CRY1: variants seen among roughly 807,000 people sequenced by gnomAD.
The protein encoded by CRY1 is cryptochrome-1.
A neutral mutation model predicts 76.0 loss-of-function variants in CRY1; 45 were observed. That is an observed-to-expected ratio of 0.59 (90% CI 0.47 to 0.76). CRY1 has a LOEUF of 0.76. Among genes scored for constraint, CRY1 ranks in the 30% least tolerant of loss-of-function variants. The probability of loss-of-function intolerance (pLI) is 0.00; values close to 1 mark genes in which losing one functional copy is unlikely to be tolerated. For missense variants in CRY1, 587 were observed against 716.4 expected (o/e 0.82, Z 2.06); for synonymous variants, 248 against 244.0 (o/e 1.02, Z -0.15).
At chr12:107,079,333 T>C (rs1953294959) in intron 1 of CRY1, among the ~76,000 whole-genome samples, 1 of 152,128 alleles carries the variant, frequency 6.6e-6, no homozygotes, top group Non-Finnish European at 1.5e-5. Flanking sequence ...CCATTGTTAT[T>C]GCTATATTTT....
intron 2 of CRY1, among the ~76,000 whole-genome samples, chr12:107,016,489 T>C (rs914958506): frequency 3.3e-5 from 5 of 152,322 alleles, no homozygotes; most frequent in African/African-American, 1.2e-4. Flanking sequence ...TTTTTTAAAT[T>C]GACAGTAAAT....
At chr12:107,001,611 T>C (rs948046904) in intron 4 of CRY1, among the ~76,000 whole-genome samples, 153 bp downstream of exon 4, 3 of 152,212 alleles carry the variant, frequency 2.0e-5, no homozygotes, top group Middle Eastern at 3.2e-3. Context: ...AACAAACATA[T>C]CACTTCTTAA....
chr12:107,010,595 T>C (rs1249849115), intron 2 of CRY1, among the ~76,000 whole-genome samples: 1 of 152,156 alleles, frequency 6.6e-6, no homozygotes, highest in Non-Finnish European at 1.5e-5. Flanking sequence ...ATATCTGTTA[T>C]GATGACCTGT....
chr12:106,996,183 T>C (rs1288369848), intron 10 of CRY1, among the ~76,000 whole-genome samples: 1 of 152,210 alleles, frequency 6.6e-6, no homozygotes, highest in Non-Finnish European at 1.5e-5. Context: ...CCATGTGTTC[T>C]CATCATTCTA....
intron 3 of CRY1, 66 bp downstream of exon 3, chr12:107,005,040 A>G: frequency 6.7e-7 from 1 of 1,482,296 alleles, no homozygotes; most frequent in Non-Finnish European, 9.2e-7. Context: ...ATACTTAAAA[A>G]TGGTTAAGAT....
At chr12:107,027,815 G>A (rs1256106660) in intron 1 of CRY1, among the ~76,000 whole-genome samples, 4 of 152,114 alleles carry the variant, frequency 2.6e-5, no homozygotes, top group African/African-American at 9.7e-5. Flanking sequence ...GTCTGTGCTA[G>A]AACAGCTTTA....
chr12:107,048,800 T>C (rs546080572), intron 1 of CRY1, among the ~76,000 whole-genome samples: 3 of 152,356 alleles, frequency 2.0e-5, no homozygotes, highest in South Asian at 4.1e-4. Flanking sequence ...TTCCCTATTG[T>C]ATTCAATTTT....
chr12:107,018,452 T>C (rs938674825), intron 2 of CRY1, among the ~76,000 whole-genome samples: 6 of 152,156 alleles, frequency 3.9e-5, no homozygotes, highest in Non-Finnish European at 7.4e-5. Flanking sequence ...CAAGGTGTGG[T>C]GGTGCATGCC....
intron 2 of CRY1, among the ~76,000 whole-genome samples, chr12:107,017,194 C>T (rs1359855740): frequency 6.6e-6 from 1 of 152,256 alleles, no homozygotes. Flanking sequence ...TCTATAAAGC[C>T]CTATGATCTG....
chr12:106,999,544 C>T lies in CRY1; in HGVS notation c.1137+7G>A. 1 of 1,604,354 alleles carries T rather than the reference C, an allele frequency of 6.2e-7. No homozygotes were observed. The highest frequency in any genetic ancestry group is 8.5e-7 in the Non-Finnish European group (1 of 1,175,592). Reference sequence around the variant, plus strand: ...ATAAGGCATGCTATATCAGTTAGAACACTTACCTTCATTCCTTCTTCCCAA... The same window carrying T: ...ATAAGGCATGCTATATCAGTTAGAATACTTACCTTCATTCCTTCTTCCCAA... On this transcript the variant is annotated splice_region_variant and intron_variant, in intron 7 of 12. Coordinates refer to ENST00000008527, the MANE Select transcript of CRY1 (RefSeq NM_004075.5).
At chr12:107,052,445 A>G (rs1952934439) in intron 1 of CRY1, among the ~76,000 whole-genome samples, 1 of 152,200 alleles carries the variant, frequency 6.6e-6, no homozygotes, top group Admixed American at 6.5e-5. Context: ...TTTAAAGTCA[A>G]ACTTCCTACA....
Position 107,092,997 on chromosome 12 carries a change from CAAGG to C in CRY1, c.-40_-37del. 6.7e-7 allele frequency: 1 copy of C among 1,496,888 alleles called. No individual in the cohort carries two copies. Among genetic ancestry groups the C allele is most frequent in the Non-Finnish European group, 8.9e-7 (1 of 1,128,550 alleles). The allele number at this position is 1,496,888 out of a possible 1,614,324, so 92.7% of individuals were successfully genotyped here. A position where few individuals can be genotyped will look rare whatever the true frequency, so the allele number is the denominator to read the frequency against. On this transcript the variant is annotated 5_prime_UTR_variant, in exon 1 of 13. The change abolishes the stop of an existing upstream ORF in the 5' untranslated region. Coordinates refer to ENST00000008527, the MANE Select transcript of CRY1 (RefSeq NM_004075.5). Reference sequence around the variant, plus strand: ...GCGGCGGGTCCTCCACGGAGAAATTCAAGGAAGGAGGCTCCGGCTCATAGCCGAC... The same window carrying C: ...GCGGCGGGTCCTCCACGGAGAAATTCAAGGAGGCTCCGGCTCATAGCCGAC...
At chr12:107,054,482 AAAAAG>A (rs1952960279) in intron 1 of CRY1, among the ~76,000 whole-genome samples, 1 of 151,790 alleles carries the variant, frequency 6.6e-6, no homozygotes, top group African/African-American at 2.4e-5. Flanking sequence ...CAGGAAGGAC[AAAAAG>A]AAAACACAAA....
chr12:107,071,302 T>C (rs1412939421), intron 1 of CRY1, among the ~76,000 whole-genome samples: 1 of 152,166 alleles, frequency 6.6e-6, no homozygotes, highest in Non-Finnish European at 1.5e-5. Flanking sequence ...TAGGAATAAA[T>C]ATTGAACTTT....
At chr12:107,065,869 C>T (rs193201436) in intron 1 of CRY1, among the ~76,000 whole-genome samples, 83 of 152,262 alleles carry the variant, frequency 5.5e-4, no homozygotes, top group African/African-American at 1.9e-3. Flanking sequence ...TTTATCTCTG[C>T]CTCTGCATTA....
Position 106,997,501 on chromosome 12 carries a change from T to G in CRY1, c.1479A>C (p.Arg493=), listed in dbSNP as rs1331108616. 1 of 1,613,962 alleles carries G rather than the reference T, an allele frequency of 6.2e-7. No individual in the cohort carries two copies. Among genetic ancestry groups the G allele is most frequent in the Non-Finnish European group, 8.5e-7 (1 of 1,179,974 alleles). ...TTCTTAACATACCTAGTCCTCTATA[T>G]CGTGAAAGCTGCTGATAGATCTGTT... ...RMKQIYQQLS[R]YRGLGLLASV... Residue 493 remains arginine (R), a synonymous_variant, in exon 9 of 13, where the codon CGA becomes CGC. Transcript: ENST00000008527.
chr12:107,090,193 G>A (rs773454626), intron 1 of CRY1, among the ~76,000 whole-genome samples: 2 of 151,566 alleles, frequency 1.3e-5, no homozygotes, highest in East Asian at 1.9e-4. Flanking sequence ...GGGTTCAATC[G>A]ATTCTCCTGC....
chr12:107,061,373 A>G (rs1187412578), intron 1 of CRY1, among the ~76,000 whole-genome samples: 1 of 151,190 alleles, frequency 6.6e-6, no homozygotes, highest in East Asian at 1.9e-4. Context: ...TTCCTAATAC[A>G]GTCTTTTTTT....
chr12:107,085,216 G>C (rs1014592619), intron 1 of CRY1, among the ~76,000 whole-genome samples: 1 of 152,218 alleles, frequency 6.6e-6, no homozygotes, highest in African/African-American at 2.4e-5. Context: ...CTGTTGGTGG[G>C]AGTGTAAATT....
Sources: gnomAD v4.1 joint callset for allele counts (sites outside exome capture counted in the v4.1 genomes callset) on GRCh38, gnomAD v4.1.1 for gene constraint, MANE v1.5 for transcripts, NCBI Gene and HGNC (gene_info 2026-07-23, HGNC 2026-07-21) for gene names.